The following COL24A1 variants were observed in gnomAD, a reference collection of about 807,000 sequenced individuals.
COL24A1 encodes the protein collagen type XXIV alpha 1 chain, also known as collagen alpha-1(XXIV) chain.
COL24A1 carries 224 observed loss-of-function variants against 253.9 expected under a neutral mutation model. The ratio of observed to expected loss-of-function variants is 0.88; its 90% confidence interval spans 0.79 to 0.99. The LOEUF (loss-of-function observed/expected upper bound fraction) is 0.99, where lower values mean the gene tolerates loss of function less well. Among genes scored for constraint, COL24A1 ranks in the 50% least tolerant of loss-of-function variants. COL24A1 has a pLI of 0.00. For missense variants in COL24A1, 2,131 were observed against 2,068.5 expected (o/e 1.03, Z -0.59); for synonymous variants, 685 against 673.7 (o/e 1.02, Z -0.26).
chr1:85,735,592 C>T (rs182299416), intron 58 of COL24A1, among the ~76,000 whole-genome samples: 1 of 151,656 alleles, frequency 6.6e-6, no homozygotes. Context: ...CACAGTGAAT[C>T]GTCAATAAAT....
intron 39 of COL24A1, among the ~76,000 whole-genome samples, chr1:85,846,573 T>C (rs1390646119): frequency 6.6e-6 from 1 of 151,944 alleles, no homozygotes; most frequent in Non-Finnish European, 1.5e-5. Flanking sequence ...TAATGTGCAG[T>C]ATATATGAAC....
At chr1:86,110,706 C>T (rs1228560040) in intron 5 of COL24A1, among the ~76,000 whole-genome samples, 1 of 152,118 alleles carries the variant, frequency 6.6e-6, no homozygotes, top group African/African-American at 2.4e-5. Flanking sequence ...ACAGAGGGTG[C>T]GCTGGGTCCC....
rs149783986 is a variant in COL24A1 at position 86,045,968 on chromosome 1, T to C, written c.1950+857A>G. 1,167 of 333,802 alleles carry C rather than the reference T, an allele frequency of 3.5e-3. 18 individuals carry two copies. Among genetic ancestry groups the C allele is most frequent in the African/African-American group, 0.024 (1,100 of 46,180 alleles). 20.7% of individuals were successfully genotyped at this position (333,802 alleles called of 1,614,324 possible). A position where few individuals can be genotyped will look rare whatever the true frequency, so the allele number is the denominator to read the frequency against. Reference sequence around the variant, plus strand: ...ATTCAGTGGAGCTTTGCTCAATTACTGATTTTACCACTTTTAACTATCTGA... The same window carrying C: ...ATTCAGTGGAGCTTTGCTCAATTACCGATTTTACCACTTTTAACTATCTGA... On this transcript the variant is annotated intron_variant, in intron 12 of 59. Transcript: ENST00000370571.
Position 85,924,343 on chromosome 1 carries a change from G to A in COL24A1, c.2563-12910C>T, listed in dbSNP as rs146008333. Among the ~76,000 whole-genome samples the A allele has an allele frequency of 3.7e-3, 570 of 152,128 alleles. 4 individuals are homozygous for A. Among genetic ancestry groups the A allele is most frequent in the African/African-American group, 0.013 (535 of 41,492 alleles). ...TATGAGGCCAGCATCATCCTGATAC[G>A]AAAGCCTGGCAGAGACACAACAAAA... On this transcript the variant is annotated intron_variant, in intron 24 of 59. Coordinates refer to ENST00000370571, the MANE Select transcript of COL24A1 (RefSeq NM_152890.7).
intron 43 of COL24A1, among the ~76,000 whole-genome samples, chr1:85,836,354 A>T (rs1342271746): frequency 6.6e-6 from 1 of 152,226 alleles, no homozygotes; most frequent in South Asian, 2.1e-4. Flanking sequence ...AATGTCACTG[A>T]ATTGTAAAGT....
chr1:85,877,698 G>C lies in COL24A1; in HGVS notation c.2977-523C>G, dbSNP rs181085115. On this transcript the variant is annotated intron_variant, in intron 32 of 59. Transcript: ENST00000370571. ...TTTTAAAATAAATTTACTAAGCTAT[G>C]CTTATATTAAAAAGAAAAGAGTGGC... Among the ~76,000 whole-genome samples, 5 of 152,254 alleles carry C rather than the reference G, an allele frequency of 3.3e-5. No homozygotes were observed. The East Asian group carries it at 9.6e-4, about 29-fold the overall frequency.
chr1:85,842,311 A>G, intron 40 of COL24A1, 29 bp downstream of exon 40: 1 of 1,498,730 alleles, frequency 6.7e-7, no homozygotes, highest in Non-Finnish European at 9.1e-7. Context: ...TTTTCATGTG[A>G]ATATATTTTT....
chr1:85,831,061 AG>A (rs1675210613), intron 43 of COL24A1, among the ~76,000 whole-genome samples: 2 of 152,136 alleles, frequency 1.3e-5, no homozygotes, highest in South Asian at 4.1e-4. Flanking sequence ...AATCTGTTTA[AG>A]GAAGTGAAGA....
intron 43 of COL24A1, among the ~76,000 whole-genome samples, chr1:85,826,129 A>C: frequency 7.2e-6 from 1 of 139,374 alleles, no homozygotes; most frequent in Non-Finnish European, 1.6e-5. Context: ...ATCCAGTTTC[A>C]GCTTTCTATA....
intron 8 of COL24A1, among the ~76,000 whole-genome samples, chr1:86,061,213 C>A (rs2101763107): frequency 6.6e-6 from 1 of 152,142 alleles, no homozygotes; most frequent in South Asian, 2.1e-4. Context: ...CAAGGAAAGT[C>A]CTCTAATTAT....
At position 85,818,728 on chromosome 1, in the gene COL24A1, C is replaced by G. The variant is rs142247324; in HGVS notation, c.3790-641G>C. Among the ~76,000 whole-genome samples the G allele has an allele frequency of 1.8e-4, 28 of 152,280 alleles. No homozygotes were observed. In the East Asian group the frequency reaches 4.8e-3, roughly 26 times the overall value. On this transcript the variant is annotated intron_variant, in intron 45 of 59. Transcript: ENST00000370571. ...TGCTCTTGCAAATCATGCCATTGTT[C>G]TGATGACATTCTAAAAGTATTTAAA...
chr1:85,827,005 G>A (rs1429382935), intron 43 of COL24A1, among the ~76,000 whole-genome samples: 3 of 151,376 alleles, frequency 2.0e-5, no homozygotes, highest in Non-Finnish European at 3.0e-5. Flanking sequence ...TCTTGTGCCA[G>A]TTTTCAAAGG....
At position 86,112,511 on chromosome 1, in the gene COL24A1, T is replaced by C; in HGVS notation, c.1599+56A>G. ...AATGTTAGGGATCTTCTTTTTAATA[T>C]CAGGAAAATCAGGTGATACTCATTA... is the stretch of plus-strand genomic sequence containing the variant. On this transcript the variant is annotated intron_variant, in intron 5 of 59. Coordinates refer to ENST00000370571, the MANE Select transcript of COL24A1 (RefSeq NM_152890.7). The C allele has an allele frequency of 2.1e-6, 3 of 1,463,064 alleles. No homozygotes were observed. In the South Asian group the frequency reaches 3.7e-5, roughly 18 times the overall value. 90.6% of individuals were successfully genotyped at this position (1,463,064 alleles called of 1,614,324 possible).
intron 43 of COL24A1, among the ~76,000 whole-genome samples, chr1:85,831,397 C>T (rs1385826947): frequency 6.6e-6 from 1 of 151,996 alleles, no homozygotes; most frequent in East Asian, 1.9e-4. Context: ...GAAATATTTT[C>T]AGAGTGATCA....
chr1:86,149,909 A>T (rs1459701639), intron 1 of COL24A1, among the ~76,000 whole-genome samples: 2 of 152,216 alleles, frequency 1.3e-5, no homozygotes, highest in African/African-American at 4.8e-5. Context: ...ACTGAAATAG[A>T]TTCTCTTTCT....
At chr1:85,971,045 T>C (rs1692113505) in intron 21 of COL24A1, among the ~76,000 whole-genome samples, 1 of 152,044 alleles carries the variant, frequency 6.6e-6, no homozygotes, top group Non-Finnish European at 1.5e-5. Flanking sequence ...ACTGTGTCTT[T>C]ACAAAAAATA....
chr1:86,038,478 GAT>G (rs1559086545), intron 12 of COL24A1, among the ~76,000 whole-genome samples: 2 of 152,104 alleles, frequency 1.3e-5, no homozygotes, highest in African/African-American at 4.8e-5. Flanking sequence ...ACAGGCAAGA[GAT>G]GTGGAGAATT....
At chr1:85,978,781 G>A (rs755126704) in intron 20 of COL24A1, among the ~76,000 whole-genome samples, 14 of 152,080 alleles carry the variant, frequency 9.2e-5, no homozygotes, top group Admixed American at 2.0e-4. Context: ...TAGGCAGGTC[G>A]TCAAGACAGA....
chr1:86,015,497 G>A (rs505589), intron 19 of COL24A1, among the ~76,000 whole-genome samples: 47,339 of 151,944 alleles, frequency 0.31, 7,896 homozygotes, highest in Middle Eastern at 0.51. Context: ...CAAGCTTTAT[G>A]AGAAAGAAGA....
Sources: gnomAD v4.1 joint callset for allele counts (sites outside exome capture counted in the v4.1 genomes callset) on GRCh38, gnomAD v4.1.1 for gene constraint, MANE v1.5 for transcripts, NCBI Gene and HGNC (gene_info 2026-07-23, HGNC 2026-07-21) for gene names.